AXIN1: variants seen among roughly 807,000 people sequenced by gnomAD.
AXIN1 encodes axin-1.
In AXIN1, 30 loss-of-function variants were observed where a neutral mutation model predicts 76.4. The ratio of observed to expected loss-of-function variants is 0.39; its 90% confidence interval spans 0.29 to 0.53. The LOEUF (loss-of-function observed/expected upper bound fraction) is 0.53. AXIN1 is among the 20% of genes least tolerant of loss of function. The pLI, the probability that AXIN1 is intolerant of heterozygous loss-of-function variation, is 0.66. For missense variants in AXIN1, 1,140 were observed against 1,198.8 expected (o/e 0.95, Z 0.72); for synonymous variants, 545 against 501.4 (o/e 1.09, Z -1.16).
At chr16:322,159 C>T (rs114267675) in intron 2 of AXIN1, among the ~76,000 whole-genome samples, 28 of 152,330 alleles carry the variant, frequency 1.8e-4, no homozygotes, top group African/African-American at 6.5e-4. Flanking sequence ...CAGCGCATGC[C>T]GCAGGCGTGA....
chr16:331,161 TAAC>T (rs1243485833), intron 2 of AXIN1, among the ~76,000 whole-genome samples: 1 of 152,116 alleles, frequency 6.6e-6, no homozygotes, highest in Admixed American at 6.6e-5. Flanking sequence ...AAGACGAAAA[TAAC>T]AACTTCTGAA....
chr16:291,392 G>C, intron 8 of AXIN1, 95 bp from the exon 9 acceptor site: 3 of 1,092,802 alleles, frequency 2.7e-6, no homozygotes, highest in South Asian at 1.3e-5. Flanking sequence ...GACGGACGGA[G>C]CGTGAAGGGC....
chr16:351,123 A>G, intron 1 of AXIN1, among the ~76,000 whole-genome samples: 1 of 122,200 alleles, frequency 8.2e-6, no homozygotes, highest in African/African-American at 3.1e-5. Flanking sequence ...CAAGAGCAAA[A>G]CTCTGTCTCA....
intron 2 of AXIN1, among the ~76,000 whole-genome samples, chr16:323,311 C>T (rs1290200829): frequency 2.6e-5 from 4 of 151,116 alleles, no homozygotes; most frequent in East Asian, 2.0e-4. Flanking sequence ...CGGTGGCGGG[C>T]ACCTGTAGTC....
In AXIN1 at chr16:298,162, C is replaced by G. The variant is rs1391375571; in HGVS notation, c.1344G>C (p.Pro448=). 6.5e-7 allele frequency: 1 copy of G among 1,543,202 alleles called. No individual in the cohort carries two copies. The highest frequency in any genetic ancestry group is 8.7e-7 in the Non-Finnish European group (1 of 1,147,554). The stretch of plus-strand genomic sequence containing the variant: ...CACAGCCCATGTCCACACAGCGGGG[C>G]GGGAAGTGGTGCCAAGCGGGGGCGG... ...LPPAPAWHHF[P]PRCVDMGCAG... The change falls in exon 6 of 11, where the codon CCG becomes CCC. Residue 448 remains proline (P), a synonymous_variant. Coordinates refer to ENST00000262320, the MANE Select transcript of AXIN1 (RefSeq NM_003502.4).
chr16:352,432 C>A lies in AXIN1; in HGVS notation c.-145G>T, dbSNP rs1489513053. 18 of 974,690 alleles carry A rather than the reference C, an allele frequency of 1.8e-5. No homozygotes were observed. The South Asian group carries it at 7.1e-4, about 38-fold the overall frequency. 60.4% of individuals were successfully genotyped at this position (974,690 alleles called of 1,614,324 possible). A position where few individuals can be genotyped will look rare whatever the true frequency, so the allele number is the denominator to read the frequency against. ...GGAGCGGCGCGGCGCGGTCCGGGCC[C>A]ATGCGCTCAGCGGCAGCGCGGCGGG... On this transcript the variant is annotated 5_prime_UTR_variant, in exon 1 of 11. The change abolishes an upstream ATG in the 5' untranslated region. Transcript: ENST00000262320.
intron 2 of AXIN1, among the ~76,000 whole-genome samples, chr16:341,399 G>C (rs925278089): frequency 6.6e-6 from 1 of 152,272 alleles, no homozygotes; most frequent in Non-Finnish European, 1.5e-5. Context: ...GAGGGGCTTA[G>C]CACCCGGGCC....
At chr16:321,677 A>C (rs530180741) in intron 2 of AXIN1, among the ~76,000 whole-genome samples, 1 of 151,836 alleles carries the variant, frequency 6.6e-6, no homozygotes, top group Non-Finnish European at 1.5e-5. Context: ...AAACCCTCTC[A>C]TAGCTGGGAA....
At chr16:338,042 A>C (rs1191287295) in intron 2 of AXIN1, among the ~76,000 whole-genome samples, 2 of 152,160 alleles carry the variant, frequency 1.3e-5, no homozygotes, top group Non-Finnish European at 2.9e-5. Flanking sequence ...TTCCCTCCAC[A>C]CGCACAAGTA....
intron 3 of AXIN1, 144 bp downstream of exon 3, chr16:314,399 G>A: frequency 7.8e-7 from 1 of 1,282,952 alleles, no homozygotes; most frequent in Non-Finnish European, 1.1e-6. Context: ...TCTGCAGCAG[G>A]GTGGGACTTA....
chr16:324,515 CAG>C (rs775794486), intron 2 of AXIN1, among the ~76,000 whole-genome samples: 177 of 152,328 alleles, frequency 1.2e-3, no homozygotes, highest in Non-Finnish European at 2.2e-3. Flanking sequence ...CAGTGTCCCG[CAG>C]AGTTTGTGGA....
At chr16:348,053 G>C (rs930778871) in intron 1 of AXIN1, among the ~76,000 whole-genome samples, 2 of 152,172 alleles carry the variant, frequency 1.3e-5, no homozygotes, top group Admixed American at 1.3e-4. Flanking sequence ...AGACATCAGG[G>C]AACTATAGAA....
chr16:323,349 G>C (rs1308598487), intron 2 of AXIN1, among the ~76,000 whole-genome samples: 2 of 147,836 alleles, frequency 1.4e-5, no homozygotes, highest in African/African-American at 5.0e-5. Flanking sequence ...TGAGGCAGGA[G>C]AATGGCGTGA....
intron 2 of AXIN1, among the ~76,000 whole-genome samples, chr16:339,145 A>C (rs1025342053): frequency 1.6e-4 from 23 of 145,676 alleles, no homozygotes; most frequent in Admixed American, 3.5e-4. Flanking sequence ...TGGGAGGCCG[A>C]GACGGGCAGA....
chr16:311,462 C>T (rs900139535), intron 3 of AXIN1, among the ~76,000 whole-genome samples: 2 of 152,154 alleles, frequency 1.3e-5, no homozygotes, highest in Non-Finnish European at 2.9e-5. Flanking sequence ...CCCTCGCCCT[C>T]TCCCAGCTAT....
At chr16:333,803 G>T (rs55992310) in intron 2 of AXIN1, among the ~76,000 whole-genome samples, 1 of 151,610 alleles carries the variant, frequency 6.6e-6, no homozygotes, top group Non-Finnish European at 1.5e-5. Context: ...AACACAGCAC[G>T]AGGTACCACA....
chr16:313,731 T>A (rs1056939595), intron 3 of AXIN1, among the ~76,000 whole-genome samples: 4 of 152,346 alleles, frequency 2.6e-5, no homozygotes, highest in African/African-American at 7.2e-5. Flanking sequence ...AGTGCCCTAC[T>A]GCAACAAGAC....
At chr16:327,116 T>C (rs921026074) in intron 2 of AXIN1, among the ~76,000 whole-genome samples, 1 of 150,302 alleles carries the variant, frequency 6.7e-6, no homozygotes, top group African/African-American at 2.5e-5. Flanking sequence ...CACTCCAACC[T>C]GGGCGACAGA....
In AXIN1 at chr16:321,857, C is replaced by T. The variant is rs751037714; in HGVS notation, c.879-7174G>A. ...AAAGTGTTATCCAGACACAGCCTTG[C>T]CCTTCGTTGACGGGCACCCTGAATG... is the stretch of plus-strand genomic sequence containing the variant. On this transcript the variant is annotated intron_variant, in intron 2 of 10. Coordinates refer to ENST00000262320, the MANE Select transcript of AXIN1 (RefSeq NM_003502.4). Among the ~76,000 whole-genome samples, 29 of 152,356 alleles carry T rather than the reference C, an allele frequency of 1.9e-4. 1 individual carries two copies. The highest frequency in any genetic ancestry group is 6.0e-4 in the African/African-American group (25 of 41,590).
Sources: allele counts gnomAD v4.1 joint callset (sites outside exome capture counted in the v4.1 genomes callset), GRCh38; gene constraint gnomAD v4.1.1; transcripts MANE v1.5; gene names NCBI Gene and HGNC (gene_info 2026-07-23, HGNC 2026-07-21).